The following CCDC68 variants were observed in gnomAD, a reference collection of about 807,000 sequenced individuals.
CCDC68 encodes the protein coiled-coil domain-containing protein 68.
In CCDC68, 45 loss-of-function variants were observed where a neutral mutation model predicts 47.1. That is an observed-to-expected ratio of 0.96 (90% confidence interval 0.75 to 1.23). The LOEUF (loss-of-function observed/expected upper bound fraction) is 1.23, where lower values mean the gene tolerates loss of function less well. Among genes scored for constraint, CCDC68 ranks in the 50% most tolerant of loss-of-function variants. The pLI is 0.00. For synonymous variants in CCDC68, 131 were observed against 129.5 expected (o/e 1.01, Z -0.08); for missense variants, 353 against 373.6 (o/e 0.94, Z 0.45).
intron 1 of CCDC68, among the ~76,000 whole-genome samples, chr18:54,950,291 C>T (rs181200233): frequency 7.4e-4 from 113 of 152,282 alleles, no homozygotes; most frequent in African/African-American, 2.7e-3. Flanking sequence ...AAGTGCCACA[C>T]GGATAATTCG....
rs58528142 is a variant in CCDC68, at chr18:54,920,236, CTTTTTTTT to C, written c.684-868_684-861del. 1.3e-4 allele frequency among the ~76,000 whole-genome samples: 17 copies of C among 135,240 alleles called. 1 individual carries two copies. The highest frequency in any genetic ancestry group is 3.9e-4 in the African/African-American group (14 of 36,068). The allele number at this position is 135,240 out of a possible 152,430, so 88.7% of individuals were successfully genotyped here. A position where few individuals can be genotyped will look rare whatever the true frequency, so the allele number is the denominator to read the frequency against. ...TCCCAATTCTGTTTCTTTCTTTTTT[CTTTTTTTT>C]TTTTTTTTTGTTGTTGTTGGTTTGT... On this transcript the variant is annotated intron_variant, in intron 8 of 11. Transcript: ENST00000591504.
At chr18:54,924,140 T>C (rs2044107859) in intron 8 of CCDC68, among the ~76,000 whole-genome samples, 1 of 152,230 alleles carries the variant, frequency 6.6e-6, no homozygotes, top group Non-Finnish European at 1.5e-5. Flanking sequence ...TGATCATGTT[T>C]TCCTCTACAA....
intron 7 of CCDC68, among the ~76,000 whole-genome samples, chr18:54,931,251 C>T (rs964508284): frequency 2.6e-5 from 4 of 152,084 alleles, no homozygotes; most frequent in Admixed American, 6.6e-5. Context: ...CTTTTTGCCT[C>T]CTCTTTGACA....
chr18:54,908,237 C>T (rs772260479), intron 10 of CCDC68, among the ~76,000 whole-genome samples: 4 of 152,272 alleles, frequency 2.6e-5, no homozygotes, highest in South Asian at 2.1e-4. Flanking sequence ...CTTTCTTTTG[C>T]GATCTCTTGA....
rs751653417 is a variant in CCDC68, at chr18:54,942,685, T to C, written c.107A>G (p.Tyr36Cys). Reference protein sequence around the residue: ...TSAHIIEETEYVKKIRTTLQK... With the variant: ...TSAHIIEETECVKKIRTTLQK... ...CTGCTACCCACATACCTTTTTCACA[T>C]ACTCGGTTTCTTCAATAATGTGAGC... Residue 36 changes from tyrosine (Y) to cysteine (C), a missense_variant, in exon 3 of 12, where the codon TAT becomes TGT. Coordinates refer to ENST00000591504, the MANE Select transcript of CCDC68 (RefSeq NM_025214.3). 5.7e-6 allele frequency: 9 copies of C among 1,581,964 alleles called. No homozygotes were observed. The highest frequency in any genetic ancestry group is 7.8e-6 in the Non-Finnish European group (9 of 1,155,528).
At chr18:54,905,301 C>G (rs1007336179) in intron 11 of CCDC68, among the ~76,000 whole-genome samples, 4 of 122,552 alleles carry the variant, frequency 3.3e-5, no homozygotes, top group Non-Finnish European at 3.3e-5. Context: ...AGGGGAGGGA[C>G]TAGTTGGGAA....
intron 7 of CCDC68, among the ~76,000 whole-genome samples, chr18:54,932,151 T>C (rs1599062987): frequency 6.6e-6 from 1 of 151,966 alleles, no homozygotes; most frequent in East Asian, 1.9e-4. Context: ...ATTTATTTGC[T>C]TGTTTCACAA....
chr18:54,936,293 TAAAAATATAAA>T (rs1341420214), intron 6 of CCDC68, among the ~76,000 whole-genome samples: 1 of 146,182 alleles, frequency 6.8e-6, no homozygotes, highest in Non-Finnish European at 1.5e-5. Flanking sequence ...AAATAATATA[TAAAAATATAAA>T]TATATAAAAT....
rs1020569275 is a variant in CCDC68, at chr18:54,922,480, C to T, written c.684-3104G>A. On this transcript the variant is annotated intron_variant, in intron 8 of 11. Coordinates refer to ENST00000591504, the MANE Select transcript of CCDC68 (RefSeq NM_025214.3). ...GAACCCTTGGAGGGTAGAATTGCTGCGAACATGCAGAGGATGGGGTAACTA... is the reference window on the plus strand; with the variant it reads ...GAACCCTTGGAGGGTAGAATTGCTGTGAACATGCAGAGGATGGGGTAACTA... Among the ~76,000 whole-genome samples the T allele has an allele frequency of 1.2e-4, 18 of 152,056 alleles. 1 individual carries two copies. Among genetic ancestry groups the T allele is most frequent in the Admixed American group, 9.2e-4 (14 of 15,266 alleles).
chr18:54,956,075 T>C (rs1425484715), intron 1 of CCDC68, among the ~76,000 whole-genome samples: 2 of 150,736 alleles, frequency 1.3e-5, no homozygotes, highest in South Asian at 4.2e-4. Flanking sequence ...CTGCAACCTC[T>C]GCCTCCCTGG....
chr18:54,953,554 A>ATG (rs1171309809), intron 1 of CCDC68, among the ~76,000 whole-genome samples: 5 of 151,210 alleles, frequency 3.3e-5, no homozygotes, highest in African/African-American at 1.2e-4. Flanking sequence ...ATATATATAG[A>ATG]GAGAGAGAGA....
In CCDC68 at chr18:54,934,901, A is replaced by G. The variant is rs1387094988; in HGVS notation, c.519T>C (p.Asn173=). The G allele has an allele frequency of 6.3e-7, 1 of 1,599,598 alleles. No homozygotes were observed. Among genetic ancestry groups the G allele is most frequent in the African/African-American group, 1.4e-5 (1 of 74,058 alleles). ...KEQKLKQHVE[N]LNQVAEKLEE... ...CAAGTTTTTCAGCAACTTGATTCAGATTTTCAACATGTTGTTTCAATTTCT... is the reference window on the plus strand; with the variant it reads ...CAAGTTTTTCAGCAACTTGATTCAGGTTTTCAACATGTTGTTTCAATTTCT... The change falls in exon 7 of 12, where the codon AAT becomes AAC. Residue 173 remains asparagine (N), a synonymous_variant. Coordinates refer to ENST00000591504, the MANE Select transcript of CCDC68 (RefSeq NM_025214.3).
chr18:54,905,693 A>G (rs1382489292), intron 11 of CCDC68, among the ~76,000 whole-genome samples: 4 of 152,178 alleles, frequency 2.6e-5, no homozygotes, highest in Non-Finnish European at 4.4e-5. Context: ...TGCAAATGTG[A>G]GTCCTGCCTT....
intron 3 of CCDC68, among the ~76,000 whole-genome samples, chr18:54,941,446 AT>A (rs1335966100): frequency 6.6e-6 from 1 of 152,044 alleles, no homozygotes; most frequent in Non-Finnish European, 1.5e-5. Context: ...CTATAAAACA[AT>A]TACTACTTAG....
chr18:54,923,221 C>T (rs193102676), intron 8 of CCDC68, among the ~76,000 whole-genome samples: 120 of 152,124 alleles, frequency 7.9e-4, no homozygotes, highest in African/African-American at 2.6e-3. Flanking sequence ...TTTGAATATG[C>T]ACGAAATATA....
chr18:54,913,882 T>C (rs1227111552), intron 10 of CCDC68, among the ~76,000 whole-genome samples: 1 of 152,152 alleles, frequency 6.6e-6, no homozygotes, highest in Non-Finnish European at 1.5e-5. Flanking sequence ...TCAAAGTCAC[T>C]ATATTTAGGT....
In CCDC68 at chr18:54,921,939, A is replaced by G. The variant is rs550132602; in HGVS notation, c.684-2563T>C. Among the ~76,000 whole-genome samples, 8 of 152,346 alleles carry G rather than the reference A, an allele frequency of 5.3e-5. No individual in the cohort carries two copies. The South Asian group carries it at 6.2e-4, about 12-fold the overall frequency. On this transcript the variant is annotated intron_variant, in intron 8 of 11. Transcript: ENST00000591504. Reference sequence around the variant, plus strand: ...TGATCTTTTTCTCTTAGAGAGGGGCAGTAGGGAATCCGAACCAAGTAAATA... The same window carrying G: ...TGATCTTTTTCTCTTAGAGAGGGGCGGTAGGGAATCCGAACCAAGTAAATA...
At position 54,928,824 on chromosome 18, in the gene CCDC68, T is replaced by A. The variant is rs141888762; in HGVS notation, c.659A>T (p.Lys220Ile). The A allele has an allele frequency of 1.2e-6, 2 of 1,612,372 alleles. No homozygotes were observed. Among genetic ancestry groups the A allele is most frequent in the South Asian group, 2.2e-5 (2 of 91,028 alleles). ...CCTTTTTCCATATGTAGCACTGGAT[T>A]TGAGTTGCAGTAGCTTGTTTTCCAA... ...LSLENKLLQL[K>I]SSATYGKSCQ... The change falls in exon 8 of 12, where the codon AAA becomes ATA. Residue 220 changes from lysine (K) to isoleucine (I), a missense_variant. Physicochemically the swap from Lys to Ile is moderately radical, Grantham distance 102. Coordinates refer to ENST00000591504, the MANE Select transcript of CCDC68 (RefSeq NM_025214.3).
Position 54,907,857 on chromosome 18 carries a change from T to C in CCDC68, c.879A>G (p.Lys293=). Residue 293 remains lysine (K), a synonymous_variant, in exon 11 of 12, where the codon AAA becomes AAG. Transcript: ENST00000591504. Reference sequence around the variant, plus strand: ...AAAGTGCTACCTGGGTTTTTAGTTCTTTATTCTAAAATTGAAAAAAAATGC... The same window carrying C: ...AAAGTGCTACCTGGGTTTTTAGTTCCTTATTCTAAAATTGAAAAAAAATGC... ...EKVNILEAQN[K]ELKTQVALSS... is the part of the protein sequence containing the mutation. 1 of 1,590,926 alleles carries C rather than the reference T, an allele frequency of 6.3e-7. No homozygotes were observed. The highest frequency in any genetic ancestry group is 8.6e-7 in the Non-Finnish European group (1 of 1,159,012).
Sources: gnomAD v4.1 joint callset for allele counts (sites outside exome capture counted in the v4.1 genomes callset) on GRCh38, gnomAD v4.1.1 for gene constraint, MANE v1.5 for transcripts, NCBI Gene and HGNC (gene_info 2026-07-23, HGNC 2026-07-21) for gene names.